Variants in ZC4H2 observed in about 807,000 individuals in gnomAD.
ZC4H2 encodes the protein zinc finger C4H2 domain-containing protein.
For missense variants in ZC4H2, 137 were observed against 173.9 expected (o/e 0.79, Z 1.19); for synonymous variants, 84 against 66.3 (o/e 1.27, Z -1.30).
intron 1 of ZC4H2, among the ~76,000 whole-genome samples, chrX:65,027,960 C>G (rs1465517446): frequency 8.9e-6 from 1 of 111,845 alleles, no homozygotes; most frequent in African/African-American, 3.3e-5. Flanking sequence ...CCTGGAAGAG[C>G]TGAAGAACTA....
At chrX:64,968,012 C>T (rs909141849) in intron 1 of ZC4H2, among the ~76,000 whole-genome samples, 2 of 111,608 alleles carry the variant, frequency 1.8e-5, no homozygotes, top group Non-Finnish European at 3.8e-5. Context: ...GAAGAAAAGA[C>T]ATTACCATGG....
At chrX:65,023,460 T>A (rs1359432292) in intron 1 of ZC4H2, among the ~76,000 whole-genome samples, 5 of 111,664 alleles carry the variant, frequency 4.5e-5, no homozygotes, top group Non-Finnish European at 7.5e-5. Flanking sequence ...TGCTTTCAGT[T>A]TTTCTCAAAA....
intron 1 of ZC4H2, 80 bp downstream of exon 1, chrX:64,976,245 C>T: frequency 9.1e-7 from 1 of 1,100,446 alleles, no homozygotes; most frequent in Non-Finnish European, 1.3e-6. Flanking sequence ...TCTAGACAAA[C>T]AGCCCAACAA....
chrX:64,950,806 G>C (rs192459637), intron 1 of ZC4H2, among the ~76,000 whole-genome samples: 58 of 109,519 alleles, frequency 5.3e-4, no homozygotes, highest in Admixed American at 5.0e-3. Context: ...TTTTATTTTT[G>C]ATTATTATTA....
At chrX:64,954,340 TTATATATATATATAATTA>T (rs1413984077) in intron 1 of ZC4H2, among the ~76,000 whole-genome samples, 21 of 70,703 alleles carry the variant, frequency 3.0e-4, no homozygotes, top group Non-Finnish European at 3.7e-4. Context: ...ATATATATAA[TTATATATATATATAATTA>T]TATATATATA....
chrX:64,978,849 C>T (rs797002922), upstream of ZC4H2, among the ~76,000 whole-genome samples: 2 of 110,801 alleles, frequency 1.8e-5, no homozygotes, highest in Non-Finnish European at 3.8e-5. Flanking sequence ...TGGGGAGAAG[C>T]GGAGGGTTTG....
chrX:64,956,919 T>C (rs1308821527), intron 1 of ZC4H2, among the ~76,000 whole-genome samples: 1 of 112,344 alleles, frequency 8.9e-6, no homozygotes, highest in Non-Finnish European at 1.9e-5. Flanking sequence ...TTTACAATGG[T>C]GATAGTGACA....
chrX:65,013,023 A>G (rs1250364644), intron 1 of ZC4H2, among the ~76,000 whole-genome samples: 1 of 111,828 alleles, frequency 8.9e-6, no homozygotes, highest in Non-Finnish European at 1.9e-5. Flanking sequence ...CAAAGGGAGC[A>G]GGGGAAGTGA....
intron 1 of ZC4H2, among the ~76,000 whole-genome samples, chrX:64,929,475 C>T (rs747440820): frequency 9.0e-6 from 1 of 111,582 alleles, no homozygotes. Context: ...CCAATGCTAC[C>T]TTCTAGTATT....
intron 1 of ZC4H2, among the ~76,000 whole-genome samples, chrX:64,927,897 CAT>C (rs1422158476): frequency 8.9e-6 from 1 of 112,412 alleles, no homozygotes; most frequent in Non-Finnish European, 1.9e-5. Context: ...GAGCTTTTTT[CAT>C]ATGTTTGACG....
intron 1 of ZC4H2, among the ~76,000 whole-genome samples, chrX:64,951,989 G>A (rs1267945008): frequency 1.8e-5 from 2 of 111,337 alleles, no homozygotes; most frequent in Admixed American, 9.5e-5. Flanking sequence ...AAGGTATAAG[G>A]AAGGGATCCA....
At chrX:65,021,290 G>T (rs1932834658) in intron 1 of ZC4H2, among the ~76,000 whole-genome samples, 1 of 110,804 alleles carries the variant, frequency 9.0e-6, no homozygotes, top group Non-Finnish European at 1.9e-5. Context: ...ACATTCCTCA[G>T]AAAATGCAAA....
intron 1 of ZC4H2, among the ~76,000 whole-genome samples, chrX:64,935,860 C>T (rs1569207106): frequency 9.0e-6 from 1 of 110,935 alleles, no homozygotes; most frequent in Non-Finnish European, 1.9e-5. Context: ...CAGAATGCCT[C>T]TTCTCCTCTA....
At chrX:64,940,515 T>TTCTAGGA (rs1376125370) in intron 1 of ZC4H2, among the ~76,000 whole-genome samples, 4 of 108,879 alleles carry the variant, frequency 3.7e-5, no homozygotes, top group Non-Finnish European at 3.9e-5. Context: ...CTGGGTTTTC[T>TTCTAGGA]TTTTTATGAT....
chrX:64,926,879 G>C (rs1929443795), intron 1 of ZC4H2, among the ~76,000 whole-genome samples: 1 of 111,766 alleles, frequency 8.9e-6, no homozygotes, highest in South Asian at 3.8e-4. Flanking sequence ...GTAAGATTGA[G>C]TATGGATATG....
intron 1 of ZC4H2, among the ~76,000 whole-genome samples, chrX:64,939,658 C>T (rs1359771412): frequency 1.8e-5 from 2 of 111,707 alleles, no homozygotes; most frequent in Admixed American, 9.5e-5. Context: ...CTTTGACCAA[C>T]CTGACACAAA....
chrX:64,976,356 T>C lies in ZC4H2; in HGVS notation c.22A>G (p.Met8Val). The C allele has an allele frequency of 1.7e-6, 2 of 1,211,849 alleles. No homozygotes were observed. Among genetic ancestry groups the C allele is most frequent in the Non-Finnish European group, 1.1e-6 (1 of 895,465 alleles). ...TCTTTAATGCTTTCCAATTTGCACA[T>C]GATTTCTTGCTCATCTGCCATACTT... MADEQEI[M>V]CKLESIKEIR... Residue 8 changes from methionine to valine, a missense_variant, in exon 1 of 5, where the codon ATG becomes GTG. Met to Val is a conservative substitution (Grantham distance 21, BLOSUM62 1). Transcript: ENST00000374839.
At chrX:64,923,056 G>A (rs1342418264) in intron 1 of ZC4H2, among the ~76,000 whole-genome samples, 6 of 111,835 alleles carry the variant, frequency 5.4e-5, no homozygotes, top group Non-Finnish European at 7.5e-5. Flanking sequence ...TTTTAAGGAG[G>A]TAATTCAAGG....
intron 1 of ZC4H2, among the ~76,000 whole-genome samples, chrX:64,941,565 C>G (rs1238737939): frequency 2.7e-5 from 3 of 111,701 alleles, no homozygotes; most frequent in Non-Finnish European, 5.6e-5. Context: ...GAGATATGTT[C>G]CATCAATACC....
Sources: allele counts gnomAD v4.1 joint callset (sites outside exome capture counted in the v4.1 genomes callset), GRCh38; gene constraint gnomAD v4.1.1; transcripts MANE v1.5; gene names NCBI Gene and HGNC (gene_info 2026-07-23, HGNC 2026-07-21).